Variants in TGFBRAP1 observed in about 807,000 individuals in gnomAD.
TGFBRAP1 encodes the protein transforming growth factor beta receptor associated protein 1, also known as transforming growth factor-beta receptor-associated protein 1.
A neutral mutation model predicts 83.2 loss-of-function variants in TGFBRAP1; 20 were observed. The ratio of observed to expected loss-of-function variants is 0.24; its 90% CI spans 0.17 to 0.35. The LOEUF (loss-of-function observed/expected upper bound fraction) is 0.35, where lower values mean the gene tolerates loss of function less well. Ranked by LOEUF, TGFBRAP1 falls within the 10% of genes least tolerant of loss-of-function variation. The pLI is 1.00. For missense variants in TGFBRAP1, 950 were observed against 1,099.4 expected, an observed-to-expected ratio of 0.86 and a Z score of 1.92; for synonymous variants, 415 against 459.8, an observed-to-expected ratio of 0.90 and a Z score of 1.25.
At chr2:105,286,871 A>G (rs949741003) in intron 4 of TGFBRAP1, among the ~76,000 whole-genome samples, 1 of 152,206 alleles carries the variant, frequency 6.6e-6, no homozygotes, top group African/African-American at 2.4e-5. Context: ...CCAAGGCTGC[A>G]TTGTCCAAGT....
At chr2:105,282,854 C>T (rs80066962) in intron 5 of TGFBRAP1, among the ~76,000 whole-genome samples, 2,926 of 151,000 alleles carry the variant, frequency 0.019, 104 homozygotes, top group African/African-American at 0.067. Flanking sequence ...AAAATCCGTT[C>T]TCTCAGCCAC....
At chr2:105,254,641 T>G in the TGFBRAP1 span, among the ~76,000 whole-genome samples, 2 of 152,082 alleles carry the variant, frequency 1.3e-5, no homozygotes, top group African/African-American at 4.8e-5. Flanking sequence ...GTATGCTTTC[T>G]GCCTGCCAGG....
At chr2:105,324,773 G>C (rs1190517421) in intron 1 of TGFBRAP1, among the ~76,000 whole-genome samples, 1 of 152,160 alleles carries the variant, frequency 6.6e-6, no homozygotes, top group Non-Finnish European at 1.5e-5. Context: ...AAGCAGTTAA[G>C]TGGGGGACTC....
intron 5 of TGFBRAP1, among the ~76,000 whole-genome samples, chr2:105,283,523 G>C (rs983777716): frequency 2.6e-5 from 4 of 152,202 alleles, no homozygotes; most frequent in Non-Finnish European, 5.9e-5. Flanking sequence ...CTATTCTGGA[G>C]AGACATTTTG....
intron 6 of TGFBRAP1, 86 bp from the exon 7 acceptor site, chr2:105,277,757 T>C (rs1677398395): frequency 1.6e-6 from 2 of 1,243,026 alleles, no homozygotes; most frequent in Non-Finnish European, 2.4e-6. Flanking sequence ...CAGTCCAAGC[T>C]CCCCATATTC....
In TGFBRAP1 at chr2:105,279,619, G is replaced by T. The variant is rs186538270; in HGVS notation, c.1463+763C>A. On this transcript the variant is annotated intron_variant, in intron 6 of 11. Coordinates refer to ENST00000393359, the MANE Select transcript of TGFBRAP1 (RefSeq NM_004257.6). ...CAACAAAATCAAGAAGCCTCCCTTTGAATCTGTTTATCTAGCTATCTATTC... is the reference window on the plus strand; with the variant it reads ...CAACAAAATCAAGAAGCCTCCCTTTTAATCTGTTTATCTAGCTATCTATTC... Among the ~76,000 whole-genome samples, 355 of 152,152 alleles carry T rather than the reference G, an allele frequency of 2.3e-3. 3 individuals carry two copies. Among genetic ancestry groups the T allele is most frequent in the African/African-American group, 8.0e-3 (334 of 41,542 alleles).
Position 105,297,047 on chromosome 2 carries a change from A to G in TGFBRAP1, c.884-537T>C, listed in dbSNP as rs114216932. Among the ~76,000 whole-genome samples the G allele has an allele frequency of 4.1e-3, 630 of 152,152 alleles. 2 individuals are homozygous for G. The highest frequency in any genetic ancestry group is 7.0e-3 in the Non-Finnish European group (473 of 67,974). On this transcript the variant is annotated intron_variant, in intron 3 of 11. Transcript: ENST00000393359. ...TGTATTCATCTCCCCACAATCCTGC[A>G]AGTTAACCTGGCCCATGGTCAACAC...
At chr2:105,250,669 C>T in the TGFBRAP1 span, among the ~76,000 whole-genome samples, 3 of 151,438 alleles carry the variant, frequency 2.0e-5, no homozygotes, top group Non-Finnish European at 3.0e-5. Context: ...CGGTCTCCCT[C>T]TCCCTCTCTT....
chr2:105,253,069 T>C, the TGFBRAP1 span, among the ~76,000 whole-genome samples: 6 of 151,982 alleles, frequency 3.9e-5, no homozygotes, highest in Non-Finnish European at 5.9e-5. Flanking sequence ...GATACTAACA[T>C]CTTAAAACTT....
chr2:105,284,357 C>T lies in TGFBRAP1; in HGVS notation c.1080G>A (p.Gln360=). The change falls in exon 5 of 12, where the codon CAG becomes CAA. Residue 360 remains glutamine (Q), a synonymous_variant. Transcript: ENST00000393359. ...CTTCCAGGAACTGAAGTTGTGCAAA[C>T]TGTATAAATCCCGCCTGCTGCAGAA... ...RRILQQAGFI[Q]FAQLQFLEAK... is the part of the protein sequence containing the mutation. 1.9e-6 allele frequency: 3 copies of T among 1,614,096 alleles called. No homozygotes were observed. The South Asian group carries it at 3.3e-5, about 18-fold the overall frequency.
intron 1 of TGFBRAP1, among the ~76,000 whole-genome samples, chr2:105,310,484 C>T (rs562059801): frequency 1.1e-4 from 17 of 152,230 alleles, no homozygotes; most frequent in Admixed American, 8.5e-4. Context: ...CACTCACCTA[C>T]GGGAGCTCAT....
At chr2:105,250,427 C>G in the TGFBRAP1 span, among the ~76,000 whole-genome samples, 1 of 152,180 alleles carries the variant, frequency 6.6e-6, no homozygotes, top group African/African-American at 2.4e-5. Flanking sequence ...GAAAAATAAC[C>G]AAGTTCATTT....
chr2:105,318,324 A>C (rs995140626), intron 1 of TGFBRAP1, among the ~76,000 whole-genome samples: 1 of 152,196 alleles, frequency 6.6e-6, no homozygotes, highest in African/African-American at 2.4e-5. Flanking sequence ...GGAGGATGGG[A>C]CTGGGTATGG....
chr2:105,302,305 T>G (rs1470493773), intron 2 of TGFBRAP1, among the ~76,000 whole-genome samples: 1 of 152,160 alleles, frequency 6.6e-6, no homozygotes, highest in Non-Finnish European at 1.5e-5. Flanking sequence ...CTCACATTTA[T>G]ACTTTGACTC....
intron 1 of TGFBRAP1, among the ~76,000 whole-genome samples, chr2:105,310,003 G>GGA (rs561464195): frequency 1.0e-3 from 153 of 152,308 alleles, no homozygotes; most frequent in African/African-American, 3.5e-3. Context: ...AGCCTACCAT[G>GGA]CCTTAATCTT....
rs1193932024 is a variant in TGFBRAP1 at position 105,280,507 on chromosome 2, C to T, written c.1338G>A (p.Glu446=). ...RSTEVANGYK[E]DIDTALLKLY... is the part of the protein sequence containing the mutation. Reference sequence around the variant, plus strand: ...GTTTGAGCAAGGCTGTGTCGATGTCCTCCTTGTAGCCATTTGCTACCTCTG... The same window carrying T: ...GTTTGAGCAAGGCTGTGTCGATGTCTTCCTTGTAGCCATTTGCTACCTCTG... Residue 446 remains glutamate (E), a synonymous_variant, in exon 6 of 12, where the codon GAG becomes GAA. Coordinates refer to ENST00000393359, the MANE Select transcript of TGFBRAP1 (RefSeq NM_004257.6). 2 of 1,614,070 alleles carry T rather than the reference C, an allele frequency of 1.2e-6. No individual in the cohort carries two copies. The highest frequency in any genetic ancestry group is 1.7e-6 in the Non-Finnish European group (2 of 1,180,040).
intron 4 of TGFBRAP1, among the ~76,000 whole-genome samples, chr2:105,293,426 C>T (rs973894531): frequency 5.3e-5 from 8 of 152,318 alleles, no homozygotes; most frequent in Middle Eastern, 6.8e-3. Context: ...GCCCCACAGT[C>T]AAACTTCTTG....
chr2:105,279,627 T>G (rs774116358), intron 6 of TGFBRAP1, among the ~76,000 whole-genome samples: 16 of 123,072 alleles, frequency 1.3e-4, no homozygotes, highest in Non-Finnish European at 3.3e-4. Flanking sequence ...TTGAATCTGT[T>G]TATCTAGCTA....
At chr2:105,297,205 A>C (rs1678118993) in intron 3 of TGFBRAP1, among the ~76,000 whole-genome samples, 1 of 152,178 alleles carries the variant, frequency 6.6e-6, no homozygotes, top group Non-Finnish European at 1.5e-5. Flanking sequence ...CTTTCAGCTA[A>C]GCACCACCTG....
Sources: gnomAD v4.1 joint callset for allele counts (sites outside exome capture counted in the v4.1 genomes callset) on GRCh38, gnomAD v4.1.1 for gene constraint, MANE v1.5 for transcripts, NCBI Gene and HGNC (gene_info 2026-07-23, HGNC 2026-07-21) for gene names.